RASGRF2: variants seen among roughly 807,000 people sequenced by gnomAD.
RASGRF2 encodes Ras protein specific guanine nucleotide releasing factor 2.
Under a neutral mutation model 151.0 loss-of-function variants are expected in RASGRF2, and 76 were observed. The observed-to-expected ratio is 0.50, with a 90% CI of 0.42 to 0.61. The LOEUF is 0.61. RASGRF2 is among the 20% of genes least tolerant of loss of function. The pLI is 0.00. For synonymous variants in RASGRF2, 504 were observed against 566.5 expected (o/e 0.89, Z 1.57); for missense variants, 1,148 against 1,564.6 (o/e 0.73, Z 4.49).
At chr5:81,033,643 T>C (rs1485070837) in intron 1 of RASGRF2, among the ~76,000 whole-genome samples, 2 of 151,010 alleles carry the variant, frequency 1.3e-5, no homozygotes, top group Non-Finnish European at 2.9e-5. Flanking sequence ...ATACAAAAAT[T>C]AATTCAAGAT....
chr5:81,074,655 T>C (rs570365556), intron 5 of RASGRF2, among the ~76,000 whole-genome samples: 8 of 152,200 alleles, frequency 5.3e-5, no homozygotes, highest in Non-Finnish European at 1.2e-4. Flanking sequence ...TCTGAAGATC[T>C]TTCCATATTG....
chr5:81,100,473 C>T (rs1375037029), intron 12 of RASGRF2, among the ~76,000 whole-genome samples: 1 of 152,134 alleles, frequency 6.6e-6, no homozygotes, highest in Non-Finnish European at 1.5e-5. Context: ...CCAGTAAGGC[C>T]ATAATTAACT....
At chr5:81,114,479 T>A (rs1469034654) in intron 15 of RASGRF2, among the ~76,000 whole-genome samples, 2 of 152,232 alleles carry the variant, frequency 1.3e-5, no homozygotes, top group South Asian at 4.1e-4. Flanking sequence ...CAGTGTTAAT[T>A]GCTTGTGACG....
rs770927984 is a variant in RASGRF2, at chr5:81,108,964, TG to T, written c.1756-29del. On this transcript the variant is annotated intron_variant, in intron 12 of 26. Coordinates refer to ENST00000265080, the MANE Select transcript of RASGRF2 (RefSeq NM_006909.3). Reference sequence around the variant, plus strand: ...TATATGATCTGCCTAGGCTTTCATGTGGGTTGTAATTGTCAACTTTTTATTT... The same window carrying T: ...TATATGATCTGCCTAGGCTTTCATGTGGTTGTAATTGTCAACTTTTTATTT... The T allele has an allele frequency of 3.8e-6, 6 of 1,587,362 alleles. No individual in the cohort carries two copies. The East Asian group carries it at 1.4e-4, about 36-fold the overall frequency.
At chr5:81,101,589 AGATC>A (rs1275998287) in intron 12 of RASGRF2, among the ~76,000 whole-genome samples, 1 of 152,110 alleles carries the variant, frequency 6.6e-6, no homozygotes. Flanking sequence ...TATCATAATA[AGATC>A]GATCTATCTA....
In RASGRF2 at chr5:81,118,149, G is replaced by T. The variant is rs367728985; in HGVS notation, c.2470+4229G>T. Among the ~76,000 whole-genome samples the T allele has an allele frequency of 7.9e-5, 12 of 152,296 alleles. No individual in the cohort carries two copies. The East Asian group carries it at 1.5e-3, about 20-fold the overall frequency. ...GGCCTCACTCTCATGGCTCCACTAG[G>T]CATTGCCCCAGTGAGGACTCTCTTC... On this transcript the variant is annotated intron_variant, in intron 15 of 26. Transcript: ENST00000265080.
intron 24 of RASGRF2, 93 bp downstream of exon 24, chr5:81,216,048 G>C: frequency 8.3e-7 from 1 of 1,202,642 alleles, no homozygotes; most frequent in Non-Finnish European, 1.1e-6. Context: ...CACCTACTTT[G>C]CTTTGAAAAG....
At chr5:81,208,984 A>G (rs1755573338) in intron 22 of RASGRF2, among the ~76,000 whole-genome samples, 1 of 152,200 alleles carries the variant, frequency 6.6e-6, no homozygotes, top group Admixed American at 6.5e-5. Context: ...CCAGTGCTCA[A>G]TAATGTACAG....
intron 17 of RASGRF2, among the ~76,000 whole-genome samples, chr5:81,127,987 G>A (rs908902751): frequency 6.7e-6 from 1 of 148,710 alleles, no homozygotes; most frequent in Non-Finnish European, 1.5e-5. Flanking sequence ...ATTTGCAACA[G>A]TATGGATGAA....
At chr5:81,218,227 C>T (rs544264966) in intron 25 of RASGRF2, among the ~76,000 whole-genome samples, 3 of 152,208 alleles carry the variant, frequency 2.0e-5, no homozygotes, top group Non-Finnish European at 2.9e-5. Flanking sequence ...GACTAATACC[C>T]GATGTGGGCT....
At chr5:81,118,575 C>G (rs1006922071) in intron 15 of RASGRF2, among the ~76,000 whole-genome samples, 4 of 152,210 alleles carry the variant, frequency 2.6e-5, no homozygotes, top group African/African-American at 9.6e-5. Flanking sequence ...TAGCCATACT[C>G]TCTTTAGTAC....
At chr5:80,982,580 C>CTATTATTATTATTCTTAT (rs1748337266) in intron 1 of RASGRF2, among the ~76,000 whole-genome samples, 1 of 135,170 alleles carries the variant, frequency 7.4e-6, no homozygotes, top group East Asian at 2.2e-4. Flanking sequence ...AAATTTGGTT[C>CTATTATTATTATTCTTAT]TATTATTATT....
chr5:81,201,492 A>T, intron 19 of RASGRF2, 50 bp downstream of exon 19: 1 of 1,553,944 alleles, frequency 6.4e-7, no homozygotes, highest in Non-Finnish European at 8.7e-7. Context: ...GATTCCTGCT[A>T]TGTTCATAGA....
chr5:81,105,116 C>G (rs1752808948), intron 12 of RASGRF2, among the ~76,000 whole-genome samples: 2 of 152,164 alleles, frequency 1.3e-5, no homozygotes, highest in Non-Finnish European at 2.9e-5. Context: ...CCCCAGAGAA[C>G]TGCATCTTAA....
intron 24 of RASGRF2, 151 bp from the exon 25 acceptor site, chr5:81,217,205 G>A (rs1339554811): frequency 4.3e-6 from 5 of 1,150,194 alleles, no homozygotes; most frequent in Non-Finnish European, 4.7e-6. Context: ...TTAAAATTCT[G>A]CGTATTATGA....
chr5:81,115,392 A>T (rs142790189), intron 15 of RASGRF2, among the ~76,000 whole-genome samples: 2 of 152,334 alleles, frequency 1.3e-5, no homozygotes, highest in Non-Finnish European at 2.9e-5. Context: ...ATCAGGAATA[A>T]TGAGGCAGCG....
At chr5:81,045,079 G>A (rs1424955784) in intron 2 of RASGRF2, among the ~76,000 whole-genome samples, 1 of 152,066 alleles carries the variant, frequency 6.6e-6, no homozygotes, top group South Asian at 2.1e-4. Context: ...TGAGGGTTTT[G>A]ATCCAGACTT....
intron 1 of RASGRF2, among the ~76,000 whole-genome samples, chr5:81,035,842 G>A (rs931152322): frequency 2.0e-5 from 3 of 152,140 alleles, no homozygotes; most frequent in African/African-American, 4.8e-5. Flanking sequence ...AGAATAGGGG[G>A]CATGGCAAAT....
chr5:80,995,693 C>CTTTTTT (rs1554083685), intron 1 of RASGRF2, among the ~76,000 whole-genome samples: 1 of 97,336 alleles, frequency 1.0e-5, no homozygotes, highest in Non-Finnish European at 2.0e-5. Context: ...TTCCCCCCCC[C>CTTTTTT]TTTTTTTTTT....
Sources: gnomAD v4.1 joint callset for allele counts (sites outside exome capture counted in the v4.1 genomes callset) on GRCh38, gnomAD v4.1.1 for gene constraint, MANE v1.5 for transcripts, NCBI Gene and HGNC (gene_info 2026-07-23, HGNC 2026-07-21) for gene names.